The following OR4N2 variants were observed in gnomAD, a reference collection of about 807,000 sequenced individuals.
OR4N2 encodes the protein olfactory receptor family 4 subfamily N member 2.
For synonymous variants in OR4N2, 141 were observed against 140.4 expected, an observed-to-expected ratio of 1.00 and a Z score of -0.03; for missense variants, 307 against 377.6, an observed-to-expected ratio of 0.81 and a Z score of 1.55.
chr14:19,822,275 G>C (rs547897078), intron 1 of OR4N2: 1 of 152,222 alleles, frequency 6.6e-6, no homozygotes, highest in African/African-American at 2.4e-5. Flanking sequence ...TTGACATCTG[G>C]TGTTAAAAAC....
intron 1 of OR4N2, among the ~76,000 whole-genome samples, chr14:19,825,612 G>C (rs1295192358): frequency 3.3e-5 from 5 of 152,202 alleles, no homozygotes; most frequent in African/African-American, 1.2e-4. Flanking sequence ...CTGGAGTGCA[G>C]TGGCGCGATC....
intron 1 of OR4N2, among the ~76,000 whole-genome samples, chr14:19,814,417 C>A (rs2138468609): frequency 6.6e-6 from 1 of 152,250 alleles, no homozygotes; most frequent in South Asian, 2.1e-4. Context: ...TTAATATTTC[C>A]TTTGCTAATG....
In OR4N2 at chr14:19,811,809, A is replaced by G. The variant is rs1387306769; in HGVS notation, c.-10+7965A>G. On this transcript the variant is annotated intron_variant, in intron 1 of 1. Coordinates refer to ENST00000557677, the MANE Select transcript of OR4N2 (RefSeq NM_001004723.3). ...GAAAGGGAGCCTCTCCAGTCCAATA[A>G]AGGGCAATTATGAAAAACCTATAGC... Among the ~76,000 whole-genome samples, 3 of 152,278 alleles carry G rather than the reference A, an allele frequency of 2.0e-5. No homozygotes were observed. The South Asian group carries it at 6.2e-4, about 32-fold the overall frequency.
At chr14:19,819,811 C>A (rs1396801360) in intron 1 of OR4N2, among the ~76,000 whole-genome samples, 9 of 152,256 alleles carry the variant, frequency 5.9e-5, no homozygotes, top group Non-Finnish European at 1.0e-4. Flanking sequence ...TTTTCCTCAT[C>A]TTTATGGACC....
At chr14:19,819,534 A>G (rs1879510782) in intron 1 of OR4N2, among the ~76,000 whole-genome samples, 2 of 152,242 alleles carry the variant, frequency 1.3e-5, no homozygotes, top group Non-Finnish European at 1.5e-5. Flanking sequence ...TTTCAGCTCC[A>G]TCAGGTTATT....
At chr14:19,825,105 A>T (rs1879658511) in intron 1 of OR4N2, among the ~76,000 whole-genome samples, 1 of 152,268 alleles carries the variant, frequency 6.6e-6, no homozygotes. Flanking sequence ...AAGGAACTAC[A>T]AAATATTTTT....
Position 19,827,494 on chromosome 14 carries a change from G to C in OR4N2, c.46G>C (p.Gly16Arg). 3.1e-6 allele frequency: 5 copies of C among 1,611,796 alleles called. No homozygotes were observed. The highest frequency in any genetic ancestry group is 4.2e-6 in the Non-Finnish European group (5 of 1,178,730). Residue 16 changes from glycine (G) to arginine (R), a missense_variant, in exon 2 of 2, where the codon GGT (glycine) becomes CGT (arginine). Gly to Arg is a moderately radical substitution (Grantham distance 125). Transcript: ENST00000557677. ...AGTGATAAGAGAATTCATCCTCCTTGGTCTGACCCAGTCTCAAGATATTCA... is the reference window on the plus strand; with the variant it reads ...AGTGATAAGAGAATTCATCCTCCTTCGTCTGACCCAGTCTCAAGATATTCA... ...RTVIREFILL[G>R]LTQSQDIQLL...
At chr14:19,805,145 C>G (rs986903615) in intron 1 of OR4N2, among the ~76,000 whole-genome samples, 14 of 152,186 alleles carry the variant, frequency 9.2e-5, no homozygotes, top group African/African-American at 3.4e-4. Flanking sequence ...GCTTCTTTAT[C>G]CGACTTGCCA....
intron 1 of OR4N2, among the ~76,000 whole-genome samples, chr14:19,805,593 A>G (rs1879144712): frequency 6.6e-6 from 1 of 152,202 alleles, no homozygotes; most frequent in Non-Finnish European, 1.5e-5. Context: ...GATTACATAA[A>G]GAGACCAAAT....
At chr14:19,822,450 A>C (rs1355515648) in intron 1 of OR4N2, 1 of 152,272 alleles carries the variant, frequency 6.6e-6, no homozygotes, top group East Asian at 1.9e-4. Flanking sequence ...CACATTCAGC[A>C]GGTATGAAAG....
intron 1 of OR4N2, among the ~76,000 whole-genome samples, chr14:19,813,430 T>C (rs1455897463): frequency 1.3e-5 from 2 of 152,200 alleles, no homozygotes; most frequent in African/African-American, 4.8e-5. Context: ...AAAAGGAAAG[T>C]TGTATTAGCT....
At position 19,827,446 on chromosome 14, in the gene OR4N2, G is replaced by C. The variant is rs1879727371; in HGVS notation, c.-3G>C. 3.8e-6 allele frequency: 6 copies of C among 1,576,684 alleles called. No homozygotes were observed. The highest frequency in any genetic ancestry group is 5.2e-6 in the Non-Finnish European group (6 of 1,162,998). On this transcript the variant is annotated 5_prime_UTR_variant, in exon 2 of 2. Transcript: ENST00000557677. ...GCTTCTTAATGTACTGCAGGCCAGG[G>C]AAATGGAAAGCGAGAACAGAACAGT...
chr14:19,820,692 G>T (rs1476441022), intron 1 of OR4N2, among the ~76,000 whole-genome samples: 1 of 152,236 alleles, frequency 6.6e-6, no homozygotes, highest in Non-Finnish European at 1.5e-5. Context: ...GGGGGGCTCT[G>T]CCCAGTTCAA....
chr14:19,812,485 A>G (rs1312909419), intron 1 of OR4N2, among the ~76,000 whole-genome samples: 1 of 151,644 alleles, frequency 6.6e-6, no homozygotes, highest in Non-Finnish European at 1.5e-5. Flanking sequence ...ACCCGCCACC[A>G]AGCCGAGATA....
intron 1 of OR4N2, among the ~76,000 whole-genome samples, chr14:19,820,986 ACTC>A (rs1385855875): frequency 6.6e-6 from 1 of 151,938 alleles, no homozygotes; most frequent in Non-Finnish European, 1.5e-5. Context: ...ATGAAAAAAA[ACTC>A]CTGCATCTAC....
In OR4N2 at chr14:19,816,034, C is replaced by T. The variant is rs527294195; in HGVS notation, c.-9-11406C>T. On this transcript the variant is annotated intron_variant, in intron 1 of 1. Coordinates refer to ENST00000557677, the MANE Select transcript of OR4N2 (RefSeq NM_001004723.3). ...AGACGTGTGGCATTATTTCTAAGGCCTCTTTCCTGTTCCATTGGTCTATAG... is the reference window on the plus strand; with the variant it reads ...AGACGTGTGGCATTATTTCTAAGGCTTCTTTCCTGTTCCATTGGTCTATAG... 2.5e-3 allele frequency among the ~76,000 whole-genome samples: 385 copies of T among 152,266 alleles called. 1 individual carries two copies. The highest frequency in any genetic ancestry group is 7.7e-3 in the African/African-American group (318 of 41,540).
intron 1 of OR4N2, among the ~76,000 whole-genome samples, chr14:19,814,957 T>C (rs2138469191): frequency 6.6e-6 from 1 of 152,368 alleles, no homozygotes; most frequent in African/African-American, 2.4e-5. Context: ...TTGCTGAGAA[T>C]GATGGTTTCC....
chr14:19,828,481 A>G lies in OR4N2; in HGVS notation c.*109A>G, dbSNP rs1345867778. On this transcript the variant is annotated 3_prime_UTR_variant, in exon 2 of 2. Coordinates refer to ENST00000557677, the MANE Select transcript of OR4N2 (RefSeq NM_001004723.3). ...CACTGAGTACCTCCCATTTGTCAGG[A>G]CTATTCTGGGAACTGAAAAAAGAAA... The G allele has an allele frequency of 2.5e-5, 28 of 1,140,964 alleles. No individual in the cohort carries two copies. The Admixed American group carries it at 7.6e-4, about 31-fold the overall frequency. 70.7% of individuals were successfully genotyped at this position (1,140,964 alleles called of 1,614,324 possible).
intron 1 of OR4N2, among the ~76,000 whole-genome samples, chr14:19,816,605 G>A (rs972558196): frequency 1.3e-5 from 2 of 152,206 alleles, no homozygotes; most frequent in Admixed American, 1.3e-4. Flanking sequence ...CTAAGAAGAT[G>A]GGATTTTCTA....
Sources: allele counts gnomAD v4.1 joint callset (sites outside exome capture counted in the v4.1 genomes callset), GRCh38; gene constraint gnomAD v4.1.1; transcripts MANE v1.5; gene names NCBI Gene and HGNC (gene_info 2026-07-23, HGNC 2026-07-21).